The following CWC22 variants were observed in gnomAD, a reference collection of about 807,000 sequenced individuals.
The protein encoded by CWC22 is CWC22 spliceosome associated protein, also known as pre-mRNA-splicing factor CWC22 homolog.
A neutral mutation model predicts 117.2 loss-of-function variants in CWC22; 53 were observed. The observed-to-expected ratio is 0.45, with a 90% CI of 0.36 to 0.57. CWC22 has a LOEUF of 0.57. Among genes scored for constraint, CWC22 ranks in the 20% least tolerant of loss-of-function variants. The pLI, the probability that CWC22 is intolerant of heterozygous loss-of-function variation, is 0.00. For synonymous variants in CWC22, 360 were observed against 355.6 expected (o/e 1.01, Z -0.14); for missense variants, 980 against 1,068.8 (o/e 0.92, Z 1.16).
intron 1 of CWC22, among the ~76,000 whole-genome samples, chr2:179,999,513 C>T (rs1687793220): frequency 6.6e-6 from 1 of 152,148 alleles, no homozygotes; most frequent in Non-Finnish European, 1.5e-5. Context: ...GTACGTCAGA[C>T]TGTTAAGCAG....
chr2:179,978,479 T>C (rs1360633865), intron 5 of CWC22, among the ~76,000 whole-genome samples, 161 bp from the exon 6 acceptor site: 1 of 147,160 alleles, frequency 6.8e-6, no homozygotes, highest in Non-Finnish European at 1.5e-5. Flanking sequence ...ATAAATAGAT[T>C]ATATCCTGAA....
At chr2:179,988,024 A>G (rs969069088) in intron 3 of CWC22, among the ~76,000 whole-genome samples, 2 of 152,248 alleles carry the variant, frequency 1.3e-5, no homozygotes, top group Admixed American at 1.3e-4. Flanking sequence ...TAAGGAGCAC[A>G]CAGCCTAGAT....
chr2:179,955,097 T>C, intron 14 of CWC22, 63 bp from the exon 15 acceptor site: 1 of 1,207,382 alleles, frequency 8.3e-7, no homozygotes, highest in Non-Finnish European at 1.2e-6. Flanking sequence ...TTGTATAATT[T>C]ACCAGTATGA....
At chr2:180,004,478 G>A (rs1687922000) in intron 1 of CWC22, among the ~76,000 whole-genome samples, 5 of 151,778 alleles carry the variant, frequency 3.3e-5, no homozygotes, top group Admixed American at 1.3e-4. Flanking sequence ...TGCAACCTCC[G>A]CCTCCCAGGT....
At chr2:179,988,789 A>G (rs1181905858) in intron 2 of CWC22, 145 bp from the exon 3 acceptor site, 5 of 501,518 alleles carry the variant, frequency 1.0e-5, no homozygotes, top group Non-Finnish European at 1.8e-5. Flanking sequence ...CATGTAACCT[A>G]AACAGTCTAT....
At chr2:180,003,682 G>C (rs554252880) in intron 1 of CWC22, among the ~76,000 whole-genome samples, 1 of 152,160 alleles carries the variant, frequency 6.6e-6, no homozygotes, top group South Asian at 2.1e-4. Flanking sequence ...GGACTCACAG[G>C]GTAACTTTTC....
intron 1 of CWC22, among the ~76,000 whole-genome samples, chr2:179,995,060 G>A (rs183550858): frequency 6.6e-6 from 1 of 152,324 alleles, no homozygotes; most frequent in Non-Finnish European, 1.5e-5. Context: ...GGAGCTTGCA[G>A]TGAGCTGAGA....
rs1488687014 is a variant in CWC22, at chr2:179,955,037, A to G, written c.1459-3T>C. ...AGTATCATGTTGCAGAGTTCTTTCT[A>G]TTTGGGAAAAAAAATACATTAATGA... On this transcript the variant is annotated splice_region_variant and splice_polypyrimidine_tract_variant and intron_variant, in intron 14 of 19. Coordinates refer to ENST00000410053, the MANE Select transcript of CWC22 (RefSeq NM_020943.3). The G allele has an allele frequency of 6.3e-7, 1 of 1,581,338 alleles. No homozygotes were observed. Among genetic ancestry groups the G allele is most frequent in the Non-Finnish European group, 8.6e-7 (1 of 1,158,960 alleles).
intron 13 of CWC22, among the ~76,000 whole-genome samples, chr2:179,959,773 T>C (rs1257912595): frequency 6.6e-6 from 1 of 152,080 alleles, no homozygotes; most frequent in Non-Finnish European, 1.5e-5. Flanking sequence ...AAAAATATGG[T>C]ATTATAATCT....
chr2:180,005,334 T>C (rs753720439), intron 1 of CWC22, among the ~76,000 whole-genome samples: 4 of 152,102 alleles, frequency 2.6e-5, no homozygotes, highest in African/African-American at 4.8e-5. Context: ...TCCCAGCACT[T>C]TGGGAGGCCG....
At chr2:179,972,438 TC>T (rs1237292875) in intron 8 of CWC22, among the ~76,000 whole-genome samples, 1 of 152,164 alleles carries the variant, frequency 6.6e-6, no homozygotes, top group East Asian at 1.9e-4. Flanking sequence ...TTAAAATCGA[TC>T]AACTCTATTC....
At chr2:180,004,138 C>A (rs1687912935) in intron 1 of CWC22, among the ~76,000 whole-genome samples, 1 of 152,148 alleles carries the variant, frequency 6.6e-6, no homozygotes. Context: ...TTACCAATAG[C>A]CACTTCTTTC....
chr2:179,996,275 T>G (rs1386773973), intron 1 of CWC22, among the ~76,000 whole-genome samples: 1 of 152,138 alleles, frequency 6.6e-6, no homozygotes, highest in Non-Finnish European at 1.5e-5. Flanking sequence ...AATTAGTATA[T>G]AAGGTTTTTA....
intron 16 of CWC22, 109 bp from the exon 17 acceptor site, chr2:179,952,707 A>T (rs1472820124): frequency 1.1e-5 from 6 of 530,550 alleles, no homozygotes; most frequent in Non-Finnish European, 1.8e-5. Context: ...ATTTATTCCC[A>T]TCTTCAACCA....
At chr2:179,949,546 A>C (rs139279420) in intron 19 of CWC22, among the ~76,000 whole-genome samples, 36 of 152,320 alleles carry the variant, frequency 2.4e-4, no homozygotes, top group East Asian at 9.7e-4. Context: ...TGAGAATGGG[A>C]GCTAATGAAA....
intron 3 of CWC22, 42 bp from the exon 4 acceptor site, chr2:179,986,847 CTA>C (rs1216641200): frequency 9.1e-7 from 1 of 1,097,266 alleles, no homozygotes; most frequent in African/African-American, 1.6e-5. Flanking sequence ...TTAAAAACAA[CTA>C]TGTTATAAAT....
chr2:179,994,000 C>G (rs1218350940), intron 1 of CWC22, among the ~76,000 whole-genome samples: 2 of 152,120 alleles, frequency 1.3e-5, no homozygotes, highest in Non-Finnish European at 2.9e-5. Context: ...TGGCACAAAG[C>G]TTCAGATATA....
intron 13 of CWC22, among the ~76,000 whole-genome samples, chr2:179,963,899 T>C (rs1476728149): frequency 6.6e-6 from 1 of 152,224 alleles, no homozygotes; most frequent in Non-Finnish European, 1.5e-5. Context: ...ACAGTGTGCC[T>C]ATTAAATCAA....
At chr2:179,962,034 G>T (rs756405016) in intron 13 of CWC22, among the ~76,000 whole-genome samples, 1 of 152,030 alleles carries the variant, frequency 6.6e-6, no homozygotes, top group Non-Finnish European at 1.5e-5. Flanking sequence ...AACAGGTGGG[G>T]ACATGGCAGT....
Sources: allele counts gnomAD v4.1 joint callset (sites outside exome capture counted in the v4.1 genomes callset), GRCh38; gene constraint gnomAD v4.1.1; transcripts MANE v1.5; gene names NCBI Gene and HGNC (gene_info 2026-07-23, HGNC 2026-07-21).